Variants in EPB41L5 observed in about 807,000 individuals in gnomAD.
EPB41L5 encodes the protein erythrocyte membrane protein band 4.1 like 5.
In EPB41L5, 55 loss-of-function variants were observed where a neutral mutation model predicts 106.6. That is an observed-to-expected ratio of 0.52 (90% confidence interval 0.42 to 0.65). EPB41L5 has a LOEUF of 0.65. Among genes scored for constraint, EPB41L5 ranks in the 30% least tolerant of loss-of-function variants. The pLI is 0.00. For missense variants in EPB41L5, 871 were observed against 882.1 expected (o/e 0.99, Z 0.16); for synonymous variants, 297 against 306.7 (o/e 0.97, Z 0.33).
At chr2:120,150,772 C>A (rs1015978785) in intron 20 of EPB41L5, among the ~76,000 whole-genome samples, 4 of 152,056 alleles carry the variant, frequency 2.6e-5, no homozygotes, top group Admixed American at 6.5e-5. Flanking sequence ...TAGACTCTTA[C>A]CGAATACATG....
intron 17 of EPB41L5, among the ~76,000 whole-genome samples, chr2:120,129,246 G>A (rs1442070038): frequency 6.6e-6 from 1 of 151,860 alleles, no homozygotes; most frequent in African/African-American, 2.4e-5. Flanking sequence ...TGAGACATGA[G>A]AATCGCTTGA....
chr2:120,085,804 G>A (rs1683016433), intron 10 of EPB41L5, among the ~76,000 whole-genome samples: 1 of 152,188 alleles, frequency 6.6e-6, no homozygotes, highest in Admixed American at 6.5e-5. Flanking sequence ...GTGGGCAAAT[G>A]TAACATGCTT....
In EPB41L5 at chr2:120,075,769, GT is replaced by G; in HGVS notation, c.505+18del. ...AATCTGCAAGGTAAGCAATTCTTAT[GT>G]TGACTGTTAAGACTCAAGTATAATC... On this transcript the variant is annotated intron_variant, in intron 7 of 24. Coordinates refer to ENST00000263713, the MANE Select transcript of EPB41L5 (RefSeq NM_020909.4). 6.3e-7 allele frequency: 1 copy of G among 1,597,072 alleles called. No homozygotes were observed. The highest frequency in any genetic ancestry group is 1.7e-5 in the Admixed American group (1 of 59,972).
intron 3 of EPB41L5, among the ~76,000 whole-genome samples, chr2:120,069,128 C>CAAAAAAAAAAAAAAAAA (rs539813602): frequency 6.3e-5 from 5 of 79,554 alleles, no homozygotes; most frequent in Admixed American, 2.8e-4. Flanking sequence ...AACTCTGTCT[C>CAAAAAAAAAAAAAAAAA]AAAAAAAAAA....
At chr2:120,072,233 G>A (rs950202952) in intron 3 of EPB41L5, among the ~76,000 whole-genome samples, 2 of 152,150 alleles carry the variant, frequency 1.3e-5, no homozygotes, top group African/African-American at 4.8e-5. Context: ...ACCACAATGA[G>A]ATACCATCTC....
intron 3 of EPB41L5, among the ~76,000 whole-genome samples, chr2:120,054,498 GT>G (rs767149779): frequency 1.3e-3 from 189 of 141,200 alleles, no homozygotes; most frequent in African/African-American, 8.6e-4. Context: ...TCTTCTAAAA[GT>G]TTTTTTTTTT....
At chr2:120,167,384 A>T in intron 22 of EPB41L5, 82 bp from the exon 23 acceptor site, 1 of 1,198,782 alleles carries the variant, frequency 8.3e-7, no homozygotes, top group Non-Finnish European at 1.2e-6. Flanking sequence ...TGGATTTCAT[A>T]ATAGATGTAA....
chr2:120,165,027 T>A, intron 22 of EPB41L5, 117 bp downstream of exon 22: 1 of 748,590 alleles, frequency 1.3e-6, no homozygotes, highest in South Asian at 1.9e-5. Context: ...TTGATAAGAG[T>A]TTATGTTTTA....
At chr2:120,043,353 C>T (rs1453512336) in intron 3 of EPB41L5, among the ~76,000 whole-genome samples, 1 of 151,864 alleles carries the variant, frequency 6.6e-6, no homozygotes, top group Non-Finnish European at 1.5e-5. Flanking sequence ...CCAGCCTGTC[C>T]AACATGGCAA....
chr2:120,150,368 C>A (rs1686617999), intron 20 of EPB41L5, among the ~76,000 whole-genome samples: 1 of 151,840 alleles, frequency 6.6e-6, no homozygotes, highest in South Asian at 2.1e-4. Context: ...ATCACCCAGG[C>A]TGGAATGCAG....
At chr2:120,078,004 A>C (rs1193102879) in intron 9 of EPB41L5, among the ~76,000 whole-genome samples, 1 of 152,088 alleles carries the variant, frequency 6.6e-6, no homozygotes, top group African/African-American at 2.4e-5. Flanking sequence ...ACTTTCAGAC[A>C]ACCAGATCTT....
chr2:120,023,267 C>T (rs1182802260), intron 2 of EPB41L5, among the ~76,000 whole-genome samples: 1 of 152,054 alleles, frequency 6.6e-6, no homozygotes, highest in Non-Finnish European at 1.5e-5. Flanking sequence ...ATGCCTATGT[C>T]CTAAATGGTA....
chr2:120,107,682 T>G (rs1280201208), intron 16 of EPB41L5, among the ~76,000 whole-genome samples: 2 of 152,210 alleles, frequency 1.3e-5, no homozygotes, highest in African/African-American at 2.4e-5. Flanking sequence ...TATGGTAGTC[T>G]TCCTCTAACC....
At chr2:120,030,184 A>G (rs1678608793) in intron 2 of EPB41L5, among the ~76,000 whole-genome samples, 1 of 152,184 alleles carries the variant, frequency 6.6e-6, no homozygotes, top group African/African-American at 2.4e-5. Context: ...GGTAATAACC[A>G]TTTCCCGAAA....
At chr2:120,099,215 A>T in intron 14 of EPB41L5, among the ~76,000 whole-genome samples, 1 of 151,964 alleles carries the variant, frequency 6.6e-6, no homozygotes, top group East Asian at 1.9e-4. Context: ...TACTTCAGGG[A>T]TACCATTTAT....
At chr2:120,107,024 T>A in intron 16 of EPB41L5, 1 of 693,596 alleles carries the variant, frequency 1.4e-6, no homozygotes, top group Non-Finnish European at 1.8e-6. Context: ...GGAGTTTATT[T>A]AAAGTGTTGG....
intron 10 of EPB41L5, among the ~76,000 whole-genome samples, chr2:120,084,482 G>T (rs1011231438): frequency 1.3e-5 from 2 of 152,196 alleles, no homozygotes; most frequent in Non-Finnish European, 2.9e-5. Context: ...TAGAGTTTCT[G>T]CCGAGAGATC....
At chr2:120,172,418 A>T (rs966591024) in intron 24 of EPB41L5, among the ~76,000 whole-genome samples, 1 of 152,202 alleles carries the variant, frequency 6.6e-6, no homozygotes, top group African/African-American at 2.4e-5. Context: ...GTACGTACAA[A>T]GGATTGGTAA....
intron 2 of EPB41L5, among the ~76,000 whole-genome samples, chr2:120,034,849 C>T (rs1443012195): frequency 6.6e-6 from 1 of 152,126 alleles, no homozygotes; most frequent in African/African-American, 2.4e-5. Context: ...GGTAACAGAG[C>T]GAGACCCCAT....
Sources: allele counts gnomAD v4.1 joint callset (sites outside exome capture counted in the v4.1 genomes callset), GRCh38; gene constraint gnomAD v4.1.1; transcripts MANE v1.5; gene names NCBI Gene and HGNC (gene_info 2026-07-23, HGNC 2026-07-21).